Variants in AUH observed in about 807,000 individuals in gnomAD.
AUH encodes the protein AU RNA binding methylglutaconyl-CoA hydratase.
In AUH, 29 loss-of-function variants were observed where a neutral mutation model predicts 42.3. The observed-to-expected ratio is 0.69, with a 90% CI of 0.51 to 0.93. AUH has a LOEUF of 0.93. AUH is among the 40% of genes least tolerant of loss of function. The pLI is 0.00. For missense variants in AUH, 452 were observed against 438.1 expected, an observed-to-expected ratio of 1.03 and a Z score of -0.28; for synonymous variants, 174 against 166.4, an observed-to-expected ratio of 1.05 and a Z score of -0.35.
chr9:91,262,644 C>T (rs1018605727), intron 6 of AUH, among the ~76,000 whole-genome samples: 1 of 152,000 alleles, frequency 6.6e-6, no homozygotes, highest in Non-Finnish European at 1.5e-5. Flanking sequence ...CTCTATGGCA[C>T]TGACACATCC....
intron 6 of AUH, among the ~76,000 whole-genome samples, chr9:91,252,937 A>G (rs1829215722): frequency 6.6e-6 from 1 of 152,216 alleles, no homozygotes; most frequent in Admixed American, 6.5e-5. Flanking sequence ...TGTTAATACC[A>G]GTGATTTTTT....
intron 4 of AUH, among the ~76,000 whole-genome samples, chr9:91,322,508 A>G (rs1829659490): frequency 6.6e-6 from 1 of 152,232 alleles, no homozygotes; most frequent in Non-Finnish European, 1.5e-5. Context: ...AGCCAAAGAC[A>G]TTATAGAAAT....
chr9:91,359,554 T>TG lies in AUH; in HGVS notation c.262+2073dup, dbSNP rs1392443252. 3.3e-5 allele frequency among the ~76,000 whole-genome samples: 5 copies of TG among 152,036 alleles called. No homozygotes were observed. The East Asian group carries it at 9.7e-4, about 29-fold the overall frequency. On this transcript the variant is annotated intron_variant, in intron 1 of 9. Coordinates refer to ENST00000375731, the MANE Select transcript of AUH (RefSeq NM_001698.3). ...ATAGCTCACTGCAGCCTCAAAGTCC[T>TG]GGGCAGTCTCCATCTCAAAAGAAAA...
intron 4 of AUH, among the ~76,000 whole-genome samples, chr9:91,317,673 A>G (rs1829261102): frequency 6.6e-6 from 1 of 152,226 alleles, no homozygotes; most frequent in Non-Finnish European, 1.5e-5. Context: ...CAGGATTTAC[A>G]GAATAATATA....
intron 4 of AUH, among the ~76,000 whole-genome samples, chr9:91,321,379 T>C (rs1829558126): frequency 6.6e-6 from 1 of 152,196 alleles, no homozygotes. Context: ...TTATCTTTGG[T>C]TTTTGTTTTG....
Position 91,216,439 on chromosome 9 carries a change from GACACACAC to G in AUH, c.895-341_895-334del, listed in dbSNP as rs113531404. Among the ~76,000 whole-genome samples the G allele has an allele frequency of 2.7e-3, 399 of 149,602 alleles. 4 individuals carry two copies. The highest frequency in any genetic ancestry group is 9.0e-3 in the African/African-American group (367 of 40,852). Reference sequence around the variant, plus strand: ...AATCTAGGTGAGGCCTTTATGTCGCGACACACACACACACACACACACACGATGCTTAA... The same window carrying G: ...AATCTAGGTGAGGCCTTTATGTCGCGACACACACACACACACGATGCTTAA... On this transcript the variant is annotated intron_variant, in intron 8 of 9. Transcript: ENST00000375731.
At chr9:91,267,177 T>C (rs867823367) in intron 6 of AUH, among the ~76,000 whole-genome samples, 1 of 152,172 alleles carries the variant, frequency 6.6e-6, no homozygotes, top group South Asian at 2.1e-4. Flanking sequence ...ATAACTAACA[T>C]GTGTATGGCA....
At chr9:91,307,562 G>GC (rs1341682614) in intron 4 of AUH, among the ~76,000 whole-genome samples, 11 of 152,086 alleles carry the variant, frequency 7.2e-5, no homozygotes, top group Non-Finnish European at 1.3e-4. Context: ...ACAAAATCTC[G>GC]CACCATCCTG....
At chr9:91,248,477 C>T (rs1294461521) in intron 6 of AUH, among the ~76,000 whole-genome samples, 2 of 152,102 alleles carry the variant, frequency 1.3e-5, no homozygotes, top group African/African-American at 4.8e-5. Context: ...GAAAGCACAA[C>T]CTAAAAGGAG....
Position 91,355,930 on chromosome 9 carries a change from ACTTT to A in AUH, c.367_370del (p.Lys123TyrfsTer4). The A allele has an allele frequency of 6.2e-7, 1 of 1,613,706 alleles. No homozygotes were observed. The highest frequency in any genetic ancestry group is 8.5e-7 in the Non-Finnish European group (1 of 1,179,702). ...TTCACTCCTGATTATTATGGTCCGT[ACTTT>A]CTTATCAGATTTCAAAGCATCCACA... On this transcript the variant is annotated frameshift_variant, in exon 3 of 10. Transcript: ENST00000375731. LOFTEE classifies it high-confidence loss of function.
At chr9:91,332,105 ACT>A (rs1283649569) in intron 3 of AUH, among the ~76,000 whole-genome samples, 1 of 152,216 alleles carries the variant, frequency 6.6e-6, no homozygotes, top group Non-Finnish European at 1.5e-5. Context: ...TACTATGAAC[ACT>A]CACATTTTTA....
At chr9:91,228,440 CTCTT>C (rs1433483780) in intron 6 of AUH, among the ~76,000 whole-genome samples, 8 of 146,446 alleles carry the variant, frequency 5.5e-5, no homozygotes, top group Admixed American at 1.4e-4. Flanking sequence ...TGATTCTTCT[CTCTT>C]TTTTTCTTTA....
At chr9:91,291,994 C>T (rs989279325) in intron 6 of AUH, among the ~76,000 whole-genome samples, 2 of 146,134 alleles carry the variant, frequency 1.4e-5, no homozygotes, top group Non-Finnish European at 3.0e-5. Flanking sequence ...ATGAAGTCTA[C>T]TTTTTGAAAG....
intron 6 of AUH, among the ~76,000 whole-genome samples, chr9:91,223,471 C>A (rs566618842): frequency 6.6e-6 from 1 of 152,286 alleles, no homozygotes; most frequent in South Asian, 2.1e-4. Flanking sequence ...CCATTCACCC[C>A]TGGAAGGATA....
At chr9:91,315,901 C>T (rs1013942130) in intron 4 of AUH, among the ~76,000 whole-genome samples, 3 of 152,120 alleles carry the variant, frequency 2.0e-5, no homozygotes, top group Admixed American at 6.5e-5. Context: ...ACTTACACAT[C>T]CCTAAACACA....
chr9:91,308,391 G>A (rs926278332), intron 4 of AUH, among the ~76,000 whole-genome samples: 1 of 152,108 alleles, frequency 6.6e-6, no homozygotes, highest in East Asian at 1.9e-4. Context: ...ACTGAACTAT[G>A]ATTCAAAAGG....
intron 6 of AUH, among the ~76,000 whole-genome samples, chr9:91,272,256 G>A (rs1825198004): frequency 6.6e-6 from 1 of 152,134 alleles, no homozygotes; most frequent in Admixed American, 6.5e-5. Flanking sequence ...GTCAATTCTT[G>A]TATCCAAATG....
At chr9:91,297,430 A>G (rs188011268) in intron 5 of AUH, among the ~76,000 whole-genome samples, 1 of 152,300 alleles carries the variant, frequency 6.6e-6, no homozygotes, top group Non-Finnish European at 1.5e-5. Context: ...AGATTCAGTT[A>G]TCATTACTGT....
Position 91,361,784 on chromosome 9 carries a change from G to T in AUH, c.106C>A (p.Leu36Met). ...CSAWLCPGLR[L>M]PGSLAGRRAG... ...CGCCGGCCTGCCAACGAGCCGGGCA[G>T]CCTCAACCCCGGGCAGAGCCACGCA... Residue 36 changes from leucine to methionine, a missense_variant, in exon 1 of 10, where the codon CTG becomes ATG. Coordinates refer to ENST00000375731, the MANE Select transcript of AUH (RefSeq NM_001698.3). The T allele has an allele frequency of 6.5e-7, 1 of 1,543,276 alleles. No individual in the cohort carries two copies.
Sources: gnomAD v4.1 joint callset for allele counts (sites outside exome capture counted in the v4.1 genomes callset) on GRCh38, gnomAD v4.1.1 for gene constraint, MANE v1.5 for transcripts, NCBI Gene and HGNC (gene_info 2026-07-23, HGNC 2026-07-21) for gene names.